The following DCTN4 variants were observed in gnomAD, a reference collection of about 807,000 sequenced individuals.
DCTN4 encodes dynactin 4 (p62).
Under a neutral mutation model 62.7 loss-of-function variants are expected in DCTN4, and 23 were observed. The observed-to-expected ratio is 0.37, with a 90% CI of 0.26 to 0.52. The LOEUF (loss-of-function observed/expected upper bound fraction) is 0.52. Among genes scored for constraint, DCTN4 ranks in the 20% least tolerant of loss-of-function variants. The pLI, the probability that DCTN4 is intolerant of heterozygous loss-of-function variation, is 0.92. For synonymous variants in DCTN4, 199 were observed against 202.1 expected (o/e 0.98, Z 0.13); for missense variants, 514 against 580.4 (o/e 0.89, Z 1.18).
chr5:150,750,462 T>C (rs980117483), intron 3 of DCTN4, among the ~76,000 whole-genome samples: 8 of 152,224 alleles, frequency 5.3e-5, no homozygotes, highest in South Asian at 4.1e-4. Flanking sequence ...TCTAGTTATA[T>C]AGAAAAGTCC....
At chr5:150,721,220 A>G (rs1759946631) in intron 9 of DCTN4, among the ~76,000 whole-genome samples, 1 of 152,134 alleles carries the variant, frequency 6.6e-6, no homozygotes, top group Non-Finnish European at 1.5e-5. Context: ...CTTATTTTTA[A>G]TTGCTGCATA....
chr5:150,756,194 A>G (rs1752855936), intron 2 of DCTN4, among the ~76,000 whole-genome samples: 1 of 152,032 alleles, frequency 6.6e-6, no homozygotes, highest in African/African-American at 2.4e-5. Context: ...GGCGCGTGCC[A>G]CCACACCTAG....
At chr5:150,734,925 G>A (rs1014716939) in intron 4 of DCTN4, among the ~76,000 whole-genome samples, 1 of 152,086 alleles carries the variant, frequency 6.6e-6, no homozygotes, top group Non-Finnish European at 1.5e-5. Flanking sequence ...AATCCCCCTG[G>A]GAACATAACT....
At chr5:150,714,092 T>C (rs186229188) in intron 12 of DCTN4, among the ~76,000 whole-genome samples, 1 of 152,192 alleles carries the variant, frequency 6.6e-6, no homozygotes, top group Non-Finnish European at 1.5e-5. Flanking sequence ...CACTCCAGCC[T>C]GGGCGACAGA....
intron 4 of DCTN4, among the ~76,000 whole-genome samples, chr5:150,741,148 G>A (rs1760753634): frequency 7.7e-6 from 1 of 130,236 alleles, no homozygotes; most frequent in Non-Finnish European, 1.5e-5. Context: ...CTGGGTGACA[G>A]AGTGAGATCC....
In DCTN4 at chr5:150,711,040, T is replaced by C. The variant is rs1759541148; in HGVS notation, c.*109A>G. The C allele has an allele frequency of 9.5e-7, 1 of 1,053,074 alleles. No individual in the cohort carries two copies. Among genetic ancestry groups the C allele is most frequent in the Non-Finnish European group, 1.4e-6 (1 of 710,710 alleles). 65.2% of individuals were successfully genotyped at this position (1,053,074 alleles called of 1,614,324 possible). A position where few individuals can be genotyped will look rare whatever the true frequency, so the allele number is the denominator to read the frequency against. On this transcript the variant is annotated 3_prime_UTR_variant, in exon 13 of 13. Transcript: ENST00000447998. ...CTTTCTTAGCAATAGAATTCCGTAG[T>C]GCATGGGTACATCGTTATAAACAAG...
intron 4 of DCTN4, among the ~76,000 whole-genome samples, chr5:150,739,937 T>A (rs1760711250): frequency 6.6e-6 from 1 of 152,124 alleles, no homozygotes; most frequent in African/African-American, 2.4e-5. Context: ...TCAAGATGTA[T>A]CAAAGACTTA....
At chr5:150,714,271 C>T (rs77941463) in intron 12 of DCTN4, among the ~76,000 whole-genome samples, 3,294 of 152,238 alleles carry the variant, frequency 0.022, 116 homozygotes, top group African/African-American at 0.073. Flanking sequence ...GTTCTGTCAG[C>T]AGCGGGCTCT....
chr5:150,745,319 T>C (rs1474061376), intron 3 of DCTN4, among the ~76,000 whole-genome samples: 37 of 151,052 alleles, frequency 2.4e-4, no homozygotes, highest in Non-Finnish European at 4.1e-4. Context: ...CAAAGAGACT[T>C]AGACTCCCAC....
chr5:150,711,970 G>C (rs1488866271), intron 12 of DCTN4, among the ~76,000 whole-genome samples: 1 of 151,962 alleles, frequency 6.6e-6, no homozygotes, highest in Non-Finnish European at 1.5e-5. Flanking sequence ...TGTAATGGTT[G>C]CACAGTATTC....
chr5:150,757,791 AGTAT>A (rs1249677944), intron 1 of DCTN4: 1 of 152,258 alleles, frequency 6.6e-6, no homozygotes, highest in Non-Finnish European at 1.5e-5. Flanking sequence ...AATGGCTTAT[AGTAT>A]GTGTTTTCAT....
At chr5:150,721,214 T>C (rs1581569213) in intron 9 of DCTN4, among the ~76,000 whole-genome samples, 1 of 152,208 alleles carries the variant, frequency 6.6e-6, no homozygotes, top group Admixed American at 6.5e-5. Flanking sequence ...CTAATACTTA[T>C]TTTTAATTGC....
rs141634589 is a variant in DCTN4 at position 150,731,472 on chromosome 5, T to A, written c.555A>T (p.Gly185=). 2 of 1,613,582 alleles carry A rather than the reference T, an allele frequency of 1.2e-6. No homozygotes were observed. The highest frequency in any genetic ancestry group is 2.7e-5 in the African/African-American group (2 of 74,924). The stretch of plus-strand genomic sequence containing the variant: ...CAGCTCGTGGTCGCTGAAGCCTGGT[T>A]CCAAGACCATATTTGTCCTAAACAA... ...PLAFSDKYGL[G]TRLQRPRAGA... Residue 185 remains glycine (G), a synonymous_variant, in exon 6 of 13, where the codon GGA becomes GGT. Coordinates refer to ENST00000447998, the MANE Select transcript of DCTN4 (RefSeq NM_016221.4).
chr5:150,710,916 G>T lies in DCTN4; in HGVS notation c.*233C>A. On this transcript the variant is annotated 3_prime_UTR_variant, in exon 13 of 13. Coordinates refer to ENST00000447998, the MANE Select transcript of DCTN4 (RefSeq NM_016221.4). ...TATGCTGCTGTTACTCAACGTGCAGGGTTCAGTGAGGGAGACACAGACTTA... is the reference window on the plus strand; with the variant it reads ...TATGCTGCTGTTACTCAACGTGCAGTGTTCAGTGAGGGAGACACAGACTTA... 5.6e-6 allele frequency: 3 copies of T among 540,446 alleles called. No individual in the cohort carries two copies. Among genetic ancestry groups the T allele is most frequent in the South Asian group, 2.1e-5 (1 of 47,124 alleles). The allele number at this position is 540,446 out of a possible 1,614,324, so 33.5% of individuals were successfully genotyped here.
intron 2 of DCTN4, among the ~76,000 whole-genome samples, chr5:150,754,833 C>A (rs765220158): frequency 1.3e-5 from 2 of 152,086 alleles, no homozygotes; most frequent in Non-Finnish European, 2.9e-5. Flanking sequence ...GGTGTGGTAG[C>A]ATGTGCCTAG....
chr5:150,715,642 C>A lies in DCTN4; in HGVS notation c.1092G>T (p.Glu364Asp). The A allele has an allele frequency of 6.2e-7, 1 of 1,614,112 alleles. No individual in the cohort carries two copies. Among genetic ancestry groups the A allele is most frequent in the Non-Finnish European group, 8.5e-7 (1 of 1,180,006 alleles). The stretch of plus-strand genomic sequence containing the variant: ...CTGCATCCTTGCCAGCTAAAACGAG[C>A]TCTTTGGGAGGCACCACCACCTGGA... Reference protein sequence around the residue: ...STAKVVVPPKELVLAGKDAAA... With the variant: ...STAKVVVPPKDLVLAGKDAAA... Residue 364 changes from glutamate to aspartate, a missense_variant, in exon 12 of 13, where the codon GAG becomes GAT. Physicochemically the swap from Glu to Asp is conservative, Grantham distance 45. Transcript: ENST00000447998.
At chr5:150,737,252 C>G (rs1045453672) in intron 4 of DCTN4, among the ~76,000 whole-genome samples, 8 of 152,138 alleles carry the variant, frequency 5.3e-5, no homozygotes, top group African/African-American at 1.9e-4. Context: ...ACACTATACC[C>G]TAGAACAAAT....
chr5:150,755,909 C>A (rs928893757), intron 2 of DCTN4, among the ~76,000 whole-genome samples: 1 of 152,044 alleles, frequency 6.6e-6, no homozygotes, highest in Admixed American at 6.6e-5. Flanking sequence ...ACTATCTTCA[C>A]CATAATTCTG....
chr5:150,726,389 A>G (rs1760146418), intron 8 of DCTN4, among the ~76,000 whole-genome samples: 1 of 152,192 alleles, frequency 6.6e-6, no homozygotes, highest in Non-Finnish European at 1.5e-5. Context: ...AGGGGAGCTC[A>G]CTTAAGAAGA....
Sources: allele counts gnomAD v4.1 joint callset (sites outside exome capture counted in the v4.1 genomes callset), GRCh38; gene constraint gnomAD v4.1.1; transcripts MANE v1.5; gene names NCBI Gene and HGNC (gene_info 2026-07-23, HGNC 2026-07-21).